The following FHIT variants were observed in gnomAD, a reference collection of about 807,000 sequenced individuals.
FHIT encodes fragile histidine triad diadenosine triphosphatase.
FHIT carries 19 observed loss-of-function variants against 17.9 expected under a neutral mutation model. The ratio of observed to expected loss-of-function variants is 1.06; its 90% CI spans 0.74 to 1.56. The LOEUF (loss-of-function observed/expected upper bound fraction) is 1.56, where lower values mean the gene tolerates loss of function less well. Among genes scored for constraint, FHIT ranks in the 40% most tolerant of loss-of-function variants. FHIT has a pLI of 0.00. For missense variants in FHIT, 248 were observed against 189.2 expected, an observed-to-expected ratio of 1.31 and a Z score of -1.82; for synonymous variants, 81 against 69.7, an observed-to-expected ratio of 1.16 and a Z score of -0.81.
chr3:59,843,661 A>C (rs1296841894), intron 8 of FHIT, among the ~76,000 whole-genome samples: 2 of 151,994 alleles, frequency 1.3e-5, no homozygotes, highest in African/African-American at 4.8e-5. Flanking sequence ...ATTCTTTTTA[A>C]TTCTCAATTT....
chr3:59,812,082 T>TTTGA (rs1346688946), intron 8 of FHIT, among the ~76,000 whole-genome samples: 1 of 152,114 alleles, frequency 6.6e-6, no homozygotes, highest in African/African-American at 2.4e-5. Flanking sequence ...TTGGCACAGT[T>TTTGA]TTGATTGTCA....
At chr3:60,394,575 T>C (rs1171568017) in intron 5 of FHIT, among the ~76,000 whole-genome samples, 1 of 152,124 alleles carries the variant, frequency 6.6e-6, no homozygotes, top group Admixed American at 6.6e-5. Flanking sequence ...TGGGTTCACA[T>C]CCTGAACTGA....
intron 5 of FHIT, among the ~76,000 whole-genome samples, chr3:60,203,012 A>T (rs1054644340): frequency 2.0e-5 from 3 of 151,424 alleles, no homozygotes; most frequent in Non-Finnish European, 4.4e-5. Flanking sequence ...TAAAAAAAAA[A>T]CCCCAATAGA....
rs556946393 is a variant in FHIT at position 61,230,813 on chromosome 3, G to A, written c.-213+20488C>T. ...TCTCACTTCCTAATTCAAAAATTATGTTTACAGCCTCTGAAATTCTAAAGT... is the reference window on the plus strand; with the variant it reads ...TCTCACTTCCTAATTCAAAAATTATATTTACAGCCTCTGAAATTCTAAAGT... On this transcript the variant is annotated intron_variant, in intron 1 of 9. Transcript: ENST00000492590. Among the ~76,000 whole-genome samples, 138 of 152,266 alleles carry A rather than the reference G, an allele frequency of 9.1e-4. 2 individuals carry two copies. In the South Asian group the frequency reaches 0.028, roughly 31 times the overall value.
At chr3:60,506,733 G>A (rs2034746619) in intron 5 of FHIT, among the ~76,000 whole-genome samples, 1 of 152,088 alleles carries the variant, frequency 6.6e-6, no homozygotes, top group Non-Finnish European at 1.5e-5. Flanking sequence ...GATAGGGGCT[G>A]CTTCTTCAGC....
chr3:60,693,454 C>T (rs1486625111), intron 4 of FHIT, among the ~76,000 whole-genome samples: 1 of 152,070 alleles, frequency 6.6e-6, no homozygotes, highest in African/African-American at 2.4e-5. Flanking sequence ...TCTATATGTT[C>T]TGATGTGACC....
At chr3:60,808,685 T>C (rs545554367) in intron 4 of FHIT, among the ~76,000 whole-genome samples, 1 of 152,210 alleles carries the variant, frequency 6.6e-6, no homozygotes, top group South Asian at 2.1e-4. Flanking sequence ...CAAAAGCAAA[T>C]TGGTTGTTTC....
chr3:60,368,402 C>G (rs1318404082), intron 5 of FHIT, among the ~76,000 whole-genome samples: 1 of 151,796 alleles, frequency 6.6e-6, no homozygotes, highest in East Asian at 1.9e-4. Context: ...TATTGAACAC[C>G]TTTTAATGGA....
At chr3:60,676,100 A>C (rs2040615551) in intron 4 of FHIT, among the ~76,000 whole-genome samples, 1 of 152,230 alleles carries the variant, frequency 6.6e-6, no homozygotes, top group Non-Finnish European at 1.5e-5. Context: ...ATTTAAGAGA[A>C]GCAAATGGGA....
In FHIT at chr3:60,459,182, T is replaced by C. The variant is rs191274896; in HGVS notation, c.103+77678A>G. Among the ~76,000 whole-genome samples the C allele has an allele frequency of 2.9e-3, 436 of 152,272 alleles. 2 individuals carry two copies. Among genetic ancestry groups the C allele is most frequent in the African/African-American group, 9.4e-3 (391 of 41,560 alleles). On this transcript the variant is annotated intron_variant, in intron 5 of 9. Coordinates refer to ENST00000492590, the MANE Select transcript of FHIT (RefSeq NM_002012.4). ...AAATCACTTGGAGCTTTTACATTAA[T>C]GTTTAAAATACAAGCTACATCCCAG...
intron 7 of FHIT, among the ~76,000 whole-genome samples, chr3:59,956,594 G>A (rs1047624191): frequency 6.6e-5 from 10 of 152,096 alleles, no homozygotes; most frequent in Admixed American, 5.9e-4. Context: ...CTTGAACCCG[G>A]GAGGGAGAGG....
intron 5 of FHIT, among the ~76,000 whole-genome samples, chr3:60,444,017 C>T (rs919171206): frequency 1.3e-5 from 2 of 152,196 alleles, no homozygotes; most frequent in Middle Eastern, 6.8e-3. Flanking sequence ...AGAATCCCAT[C>T]AAAAACTGGG....
intron 3 of FHIT, among the ~76,000 whole-genome samples, chr3:60,836,487 G>C (rs1239395879): frequency 6.6e-6 from 1 of 152,094 alleles, no homozygotes; most frequent in African/African-American, 2.4e-5. Context: ...TTTCATGATA[G>C]GTGAATGGTA....
At chr3:61,026,607 C>T (rs192977314) in intron 3 of FHIT, among the ~76,000 whole-genome samples, 1 of 152,262 alleles carries the variant, frequency 6.6e-6, no homozygotes, top group African/African-American at 2.4e-5. Flanking sequence ...TAGAATGCAG[C>T]CCAACACAAA....
At chr3:60,801,427 C>T (rs1034311046) in intron 4 of FHIT, among the ~76,000 whole-genome samples, 20 of 152,164 alleles carry the variant, frequency 1.3e-4, no homozygotes, top group African/African-American at 4.6e-4. Flanking sequence ...AGGAAGTGTC[C>T]AATCCACTAA....
At chr3:60,550,279 A>T (rs1002998194) in intron 4 of FHIT, among the ~76,000 whole-genome samples, 5 of 152,174 alleles carry the variant, frequency 3.3e-5, no homozygotes, top group Non-Finnish European at 7.3e-5. Context: ...AAAACATTCT[A>T]ATCTACAGGC....
chr3:60,212,749 T>A (rs140652424), intron 5 of FHIT, among the ~76,000 whole-genome samples: 141 of 152,224 alleles, frequency 9.3e-4, no homozygotes, highest in African/African-American at 3.0e-3. Flanking sequence ...GAAATAATAC[T>A]GGGCCTGGGA....
At chr3:60,200,077 C>T (rs771325884) in intron 5 of FHIT, among the ~76,000 whole-genome samples, 4 of 152,090 alleles carry the variant, frequency 2.6e-5, no homozygotes, top group Non-Finnish European at 5.9e-5. Flanking sequence ...ACCTAGAGAA[C>T]ACACCACGGG....
At chr3:59,750,788 T>C (rs1385717) in intron 9 of FHIT, 3,411 of 209,466 alleles carry the variant, frequency 0.016, 131 homozygotes, top group African/African-American at 0.072. Flanking sequence ...TTTAAAGCTA[T>C]CCAGTAAAGA....
Sources: allele counts gnomAD v4.1 joint callset (sites outside exome capture counted in the v4.1 genomes callset), GRCh38; gene constraint gnomAD v4.1.1; transcripts MANE v1.5; gene names NCBI Gene and HGNC (gene_info 2026-07-23, HGNC 2026-07-21).